The following LYPLA1 variants were observed in gnomAD, a reference collection of about 807,000 sequenced individuals.
LYPLA1 encodes the protein lysophospholipase 1.
In LYPLA1, 17 loss-of-function variants were observed where a neutral mutation model predicts 34.0. That is an observed-to-expected ratio of 0.50 (90% CI 0.34 to 0.75). LYPLA1 has a LOEUF of 0.75. LYPLA1 is among the 30% of genes least tolerant of loss of function. The pLI is 0.01. For synonymous variants in LYPLA1, 98 were observed against 100.8 expected (o/e 0.97, Z 0.17); for missense variants, 203 against 288.8 (o/e 0.70, Z 2.15).
chr8:54,069,753 TTCACATTAAAA>T (rs1807330314), intron 2 of LYPLA1, among the ~76,000 whole-genome samples: 1 of 151,726 alleles, frequency 6.6e-6, no homozygotes, highest in South Asian at 2.1e-4. Context: ...TCATGAATTG[TTCACATTAAAA>T]GGGTTAGTTT....
At position 54,059,391 on chromosome 8, in the gene LYPLA1, G is replaced by A. The variant is rs1489308327; in HGVS notation, c.286+2863C>T. Among the ~76,000 whole-genome samples, 3 of 119,374 alleles carry A rather than the reference G, an allele frequency of 2.5e-5. 1 individual carries two copies. Among genetic ancestry groups the A allele is most frequent in the Non-Finnish European group, 4.6e-5 (3 of 64,894 alleles). The allele number at this position is 119,374 out of a possible 152,430, so 78.3% of individuals were successfully genotyped here. A position where few individuals can be genotyped will look rare whatever the true frequency, so the allele number is the denominator to read the frequency against. ...GCAATCTCGGCTCACTGCAAGCTCC[G>A]CTTCCCGGGTTCACGCCATTCTCCT... On this transcript the variant is annotated intron_variant, in intron 5 of 8. Transcript: ENST00000316963.
chr8:54,090,214 G>A (rs1378389708), intron 2 of LYPLA1, among the ~76,000 whole-genome samples: 5 of 152,260 alleles, frequency 3.3e-5, no homozygotes, highest in East Asian at 1.9e-4. Flanking sequence ...ATCTTGCCAC[G>A]GTTCTTCTAG....
At chr8:54,087,482 A>G (rs1216427202) in intron 2 of LYPLA1, among the ~76,000 whole-genome samples, 1 of 152,242 alleles carries the variant, frequency 6.6e-6, no homozygotes, top group Non-Finnish European at 1.5e-5. Flanking sequence ...CCTGGGCTAC[A>G]GGGCAATACT....
intron 5 of LYPLA1, among the ~76,000 whole-genome samples, chr8:54,056,091 G>C (rs1169632981): frequency 6.6e-6 from 1 of 152,128 alleles, no homozygotes; most frequent in East Asian, 1.9e-4. Context: ...CATAAAAACA[G>C]ACACACAGAC....
Position 54,072,915 on chromosome 8 carries a change from C to T in LYPLA1, c.102-7102G>A, listed in dbSNP as rs1788243328. Among the ~76,000 whole-genome samples the T allele has an allele frequency of 4.3e-5, 6 of 138,698 alleles. No homozygotes were observed. The South Asian group carries it at 9.2e-4, about 21-fold the overall frequency. The allele number at this position is 138,698 out of a possible 152,430, so 91.0% of individuals were successfully genotyped here. A position where few individuals can be genotyped will look rare whatever the true frequency, so the allele number is the denominator to read the frequency against. On this transcript the variant is annotated intron_variant, in intron 2 of 8. Coordinates refer to ENST00000316963, the MANE Select transcript of LYPLA1 (RefSeq NM_006330.4). ...GAATTGCTTGAACACTCCAGCTTGG[C>T]GACAGAGCAAGACTGAATCAAAAAA...
At chr8:54,101,653 G>A in intron 1 of LYPLA1, 102 bp downstream of exon 1, 1 of 1,162,636 alleles carries the variant, frequency 8.6e-7, no homozygotes, top group South Asian at 4.1e-5. Context: ...GAGCGTCCTC[G>A]TCCGCAGGCC....
At chr8:54,088,415 A>C (rs188096505) in intron 2 of LYPLA1, among the ~76,000 whole-genome samples, 1 of 152,248 alleles carries the variant, frequency 6.6e-6, no homozygotes, top group Non-Finnish European at 1.5e-5. Flanking sequence ...ACACCACTTC[A>C]CATAGAAATG....
At chr8:54,051,278 T>C (rs1047574137) in intron 7 of LYPLA1, 90 bp from the exon 8 acceptor site, 3 of 1,050,378 alleles carry the variant, frequency 2.9e-6, no homozygotes, top group Non-Finnish European at 4.0e-6. Context: ...AATATGCATA[T>C]ATATAACATA....
chr8:54,056,842 G>A (rs1022443751), intron 5 of LYPLA1, among the ~76,000 whole-genome samples: 4 of 152,160 alleles, frequency 2.6e-5, no homozygotes, highest in Non-Finnish European at 4.4e-5. Flanking sequence ...GAACTCGGGA[G>A]ACGGAGGTTG....
intron 4 of LYPLA1, among the ~76,000 whole-genome samples, chr8:54,062,844 G>T (rs1156305318): frequency 1.3e-5 from 2 of 152,104 alleles, no homozygotes; most frequent in African/African-American, 2.4e-5. Context: ...CCTGATGTTA[G>T]GAGTCTCAGA....
At chr8:54,071,171 G>A (rs1393540884) in intron 2 of LYPLA1, among the ~76,000 whole-genome samples, 1 of 152,046 alleles carries the variant, frequency 6.6e-6, no homozygotes, top group African/African-American at 2.4e-5. Flanking sequence ...GGAAATGAAA[G>A]AAGAACTGAT....
chr8:54,057,170 T>C (rs1806265127), intron 5 of LYPLA1, among the ~76,000 whole-genome samples: 1 of 152,196 alleles, frequency 6.6e-6, no homozygotes, highest in South Asian at 2.1e-4. Context: ...TGTAAATTAG[T>C]ACAACTACTA....
intron 5 of LYPLA1, 40 bp from the exon 6 acceptor site, chr8:54,055,173 G>T: frequency 8.3e-7 from 1 of 1,197,940 alleles, no homozygotes; most frequent in Non-Finnish European, 1.2e-6. Context: ...TACTTTCAGA[G>T]TTAAGCCCAC....
chr8:54,048,873 C>T (rs1421029366), intron 8 of LYPLA1, among the ~76,000 whole-genome samples: 2 of 152,168 alleles, frequency 1.3e-5, no homozygotes, highest in Non-Finnish European at 2.9e-5. Context: ...AGATCACCTC[C>T]CACTATCCTA....
Position 54,047,703 on chromosome 8 carries a change from T to C in LYPLA1, c.*362A>G, listed in dbSNP as rs1805562862. On this transcript the variant is annotated 3_prime_UTR_variant, in exon 9 of 9. Transcript: ENST00000316963. ...ATGCATAAATTGTTTATATCTTAAC[T>C]GCTCATTTATACCTGAACAAATTTT... is the stretch of plus-strand genomic sequence containing the variant. 1 of 178,482 alleles carries C rather than the reference T, an allele frequency of 5.6e-6. No homozygotes were observed. The highest frequency in any genetic ancestry group is 1.2e-5 in the Non-Finnish European group (1 of 85,858). The allele number at this position is 178,482 out of a possible 1,614,324, so 11.1% of individuals were successfully genotyped here. A position where few individuals can be genotyped will look rare whatever the true frequency, so the allele number is the denominator to read the frequency against.
chr8:54,079,779 A>G (rs187060539), intron 2 of LYPLA1, among the ~76,000 whole-genome samples: 29 of 152,018 alleles, frequency 1.9e-4, no homozygotes, highest in Non-Finnish European at 3.8e-4. Flanking sequence ...TGGGCAACAG[A>G]CTGAGACCTC....
At chr8:54,050,599 T>A (rs1805778487) in intron 8 of LYPLA1, among the ~76,000 whole-genome samples, 1 of 152,204 alleles carries the variant, frequency 6.6e-6, no homozygotes, top group Admixed American at 6.5e-5. Context: ...TCTAGCTGTT[T>A]CATCATGGTC....
intron 2 of LYPLA1, 128 bp downstream of exon 2, chr8:54,100,780 T>TA: frequency 1.3e-6 from 1 of 769,408 alleles, no homozygotes; most frequent in South Asian, 1.5e-5. Context: ...CACCGCACTG[T>TA]AAGATACATT....
chr8:54,051,268 A>AATATGTTATAT, intron 7 of LYPLA1, 80 bp from the exon 8 acceptor site: 2 of 1,179,464 alleles, frequency 1.7e-6, no homozygotes, highest in Non-Finnish European at 2.3e-6. Context: ...ATTGTACATA[A>AATATGTTATAT]ATATGCATAT....
Sources: gnomAD v4.1 joint callset for allele counts (sites outside exome capture counted in the v4.1 genomes callset) on GRCh38, gnomAD v4.1.1 for gene constraint, MANE v1.5 for transcripts, NCBI Gene and HGNC (gene_info 2026-07-23, HGNC 2026-07-21) for gene names.